TENT4A: variants seen among roughly 807,000 people sequenced by gnomAD.
TENT4A encodes the protein DNA polymerase kappa.
TENT4A carries 7 observed loss-of-function variants against 72.8 expected under a neutral mutation model. That is an observed-to-expected ratio of 0.10 (90% CI 0.05 to 0.18). The LOEUF (loss-of-function observed/expected upper bound fraction) is 0.18. TENT4A is among the 10% of genes least tolerant of loss of function. TENT4A has a pLI of 1.00. For missense variants in TENT4A, 831 were observed against 1,017.7 expected (o/e 0.82, Z 2.50); for synonymous variants, 456 against 434.3 (o/e 1.05, Z -0.62).
chr5:6,750,948 G>T, intron 10 of TENT4A, 91 bp from the exon 11 acceptor site: 1 of 1,388,310 alleles, frequency 7.2e-7, no homozygotes, highest in South Asian at 1.3e-5. Flanking sequence ...TAGCCAGCCT[G>T]GATGCAGGCG....
chr5:6,729,656 C>T (rs893092294), intron 1 of TENT4A, among the ~76,000 whole-genome samples: 2 of 152,224 alleles, frequency 1.3e-5, no homozygotes, highest in Non-Finnish European at 2.9e-5. Context: ...AGATGTGGCT[C>T]AGGAAGTGCC....
intron 6 of TENT4A, chr5:6,745,891 GACTAA>G: frequency 2.0e-6 from 1 of 489,176 alleles, no homozygotes; most frequent in East Asian, 7.6e-5. Context: ...CCATCCAGGT[GACTAA>G]GTTATGCAGA....
In TENT4A at chr5:6,714,389, G is replaced by A. The variant is rs1252639484; in HGVS notation, c.406G>A (p.Ala136Thr). The A allele has an allele frequency of 8.8e-7, 1 of 1,132,516 alleles. No homozygotes were observed. The highest frequency in any genetic ancestry group is 1.1e-6 in the Non-Finnish European group (1 of 925,928). The allele number at this position is 1,132,516 out of a possible 1,614,324, so 70.2% of individuals were successfully genotyped here. A position where few individuals can be genotyped will look rare whatever the true frequency, so the allele number is the denominator to read the frequency against. Residue 136 changes from alanine (A) to threonine (T), a missense_variant, in exon 1 of 13, where the codon GCC becomes ACC. Ala to Thr is a moderately conservative substitution (Grantham distance 58, BLOSUM62 0). Transcript: ENST00000230859. ...CTGCTCGTCGTCGTCCTCCAGCAGCGCCTCGCTGGGCCGGCCGGGCGGCGG... is the reference window on the plus strand; with the variant it reads ...CTGCTCGTCGTCGTCCTCCAGCAGCACCTCGCTGGGCCGGCCGGGCGGCGG... The part of the protein sequence containing the change: ...PGCSSSSSSS[A>T]SLGRPGGGRG...
At chr5:6,750,273 G>A in intron 9 of TENT4A, 58 bp from the exon 10 acceptor site, 2 of 1,442,178 alleles carry the variant, frequency 1.4e-6, no homozygotes, top group Non-Finnish European at 9.4e-7. Context: ...GATGCTGCCG[G>A]GGCGGCTCCA....
intron 7 of TENT4A, among the ~76,000 whole-genome samples, chr5:6,746,636 C>T (rs537474110): frequency 5.4e-4 from 83 of 152,294 alleles, no homozygotes; most frequent in African/African-American, 2.0e-3. Flanking sequence ...TGTTTACATT[C>T]TATAATAAAG....
intron 3 of TENT4A, 39 bp downstream of exon 3, chr5:6,738,768 T>G: frequency 6.9e-7 from 1 of 1,458,926 alleles, no homozygotes; most frequent in Non-Finnish European, 9.6e-7. Flanking sequence ...AGTGGGGGGC[T>G]GGGATGGTGT....
intron 11 of TENT4A, 54 bp downstream of exon 11, chr5:6,751,251 A>G: frequency 6.4e-7 from 1 of 1,570,772 alleles, no homozygotes; most frequent in Non-Finnish European, 8.8e-7. Flanking sequence ...ACAGCATCCG[A>G]GCTGTGATAT....
rs574007652 is a variant in TENT4A, at chr5:6,755,044, C to T, written c.*99C>T. The stretch of plus-strand genomic sequence containing the variant: ...CGAGACCAGCACCCCGCACGTCAGC[C>T]GGGCTCGCGGCACGCCCGCCGCTGA... On this transcript the variant is annotated 3_prime_UTR_variant, in exon 13 of 13. Coordinates refer to ENST00000230859, the MANE Select transcript of TENT4A (RefSeq NM_006999.6). The T allele has an allele frequency of 1.3e-3, 1,416 of 1,088,204 alleles. 2 individuals carry two copies. The highest frequency in any genetic ancestry group is 1.7e-3 in the Non-Finnish European group (1,315 of 793,690). The allele number at this position is 1,088,204 out of a possible 1,614,324, so 67.4% of individuals were successfully genotyped here.
intron 7 of TENT4A, 33 bp downstream of exon 7, chr5:6,746,460 TGGGCCAGCCTCGGGGAC>T: frequency 6.2e-7 from 1 of 1,601,676 alleles, no homozygotes; most frequent in South Asian, 1.1e-5. Flanking sequence ...TGCTGAGAGC[TGGGCCAGCCTCGGGGAC>T]GTGCTGGTGA....
rs1441577371 is a variant in TENT4A at position 6,713,880 on chromosome 5, C to CCCGT, written c.-91_-88dup. On this transcript the variant is annotated 5_prime_UTR_variant, in exon 1 of 13. Coordinates refer to ENST00000230859, the MANE Select transcript of TENT4A (RefSeq NM_006999.6). ...CCGCCGCCGCCGCCACCGGCCCAGG[C>CCCGT]CCGTCCGTCCGTCCGTGCGCGCGCG... 40 of 250,500 alleles carry CCCGT rather than the reference C, an allele frequency of 1.6e-4. No individual in the cohort carries two copies. Among genetic ancestry groups the CCCGT allele is most frequent in the Middle Eastern group, 2.2e-3 (1 of 460 alleles). The allele number at this position is 250,500 out of a possible 1,614,324, so 15.5% of individuals were successfully genotyped here. A position where few individuals can be genotyped will look rare whatever the true frequency, so the allele number is the denominator to read the frequency against.
In TENT4A at chr5:6,739,845, A is replaced by G; in HGVS notation, c.1001A>G (p.Lys334Arg). 6.2e-7 allele frequency: 1 copy of G among 1,613,980 alleles called. No individual in the cohort carries two copies. The highest frequency in any genetic ancestry group is 8.5e-7 in the Non-Finnish European group (1 of 1,179,816). Reference sequence around the variant, plus strand: ...CCGTGTTCCATCAAAGTCCTTGACAAGGCTACGGTGAGTGCCTGGCTTTGG... The same window carrying G: ...CCGTGTTCCATCAAAGTCCTTGACAGGGCTACGGTGAGTGCCTGGCTTTGG... ...AEPCSIKVLD[K>R]ATVPIIKLTD... The change falls in exon 4 of 13, where the codon AAG becomes AGG. Residue 334 changes from lysine (K) to arginine (R), a missense_variant. By Grantham distance (26) the Lys-to-Arg change is conservative (BLOSUM62 2). Around this residue, in one of 3 missense-constraint regions of TENT4A, gnomAD observed 197 missense variants for 399.6 expected, o/e 0.49. Transcript: ENST00000230859.
chr5:6,726,858 T>C (rs1386354372), intron 1 of TENT4A, among the ~76,000 whole-genome samples: 1 of 152,170 alleles, frequency 6.6e-6, no homozygotes, highest in Non-Finnish European at 1.5e-5. Context: ...GATCCGGATA[T>C]AGACTGAGGT....
chr5:6,750,021 T>G (rs920964274), intron 9 of TENT4A, among the ~76,000 whole-genome samples: 2 of 152,234 alleles, frequency 1.3e-5, no homozygotes, highest in Non-Finnish European at 2.9e-5. Context: ...CGGTGTGTAT[T>G]TATTCGTACT....
Position 6,748,544 on chromosome 5 carries a change from G to A in TENT4A, c.1540G>A (p.Ala514Thr). The A allele has an allele frequency of 6.2e-7, 1 of 1,614,068 alleles. No individual in the cohort carries two copies. Among genetic ancestry groups the A allele is most frequent in the Non-Finnish European group, 8.5e-7 (1 of 1,179,930 alleles). The change falls in exon 8 of 13, where the codon GCT (alanine) becomes ACT (threonine). Residue 514 changes from alanine to threonine, a missense_variant. Ala to Thr is a moderately conservative substitution (Grantham distance 58). Around this residue, in one of 3 missense-constraint regions of TENT4A, gnomAD observed 197 missense variants for 399.6 expected, o/e 0.49. Coordinates refer to ENST00000230859, the MANE Select transcript of TENT4A (RefSeq NM_006999.6). ...FDYAYIVLSH[A>T]VSPLARSYPN... is the part of the protein sequence containing the mutation. ...TTATGCCTACATAGTGCTCAGCCAT[G>A]CTGTGTCACCGCTGGCCAGGTCCTA...
chr5:6,750,744 T>C (rs2126656726), intron 10 of TENT4A: 1 of 551,312 alleles, frequency 1.8e-6, no homozygotes, highest in South Asian at 2.7e-5. Context: ...ATCCTCTAAA[T>C]GGTTGAACTA....
intron 4 of TENT4A, among the ~76,000 whole-genome samples, chr5:6,742,075 G>T (rs1741834226): frequency 6.6e-6 from 1 of 152,174 alleles, no homozygotes; most frequent in East Asian, 1.9e-4. Flanking sequence ...AACAATATCA[G>T]TATAACATAC....
chr5:6,740,198 G>C (rs967976632), intron 4 of TENT4A, among the ~76,000 whole-genome samples: 4 of 152,166 alleles, frequency 2.6e-5, no homozygotes, highest in African/African-American at 9.7e-5. Context: ...GCCCATTATG[G>C]AGAGTGTGGC....
At chr5:6,748,327 G>C (rs1561044369) in intron 7 of TENT4A, 137 bp from the exon 8 acceptor site, 5 of 1,178,632 alleles carry the variant, frequency 4.2e-6, no homozygotes, top group South Asian at 1.4e-5. Flanking sequence ...GTGTTCGCCT[G>C]TCTGGGCTTT....
chr5:6,727,267 G>A (rs1740979006), intron 1 of TENT4A, among the ~76,000 whole-genome samples: 1 of 152,030 alleles, frequency 6.6e-6, no homozygotes, highest in Non-Finnish European at 1.5e-5. Flanking sequence ...TCCTAATGTT[G>A]CTCACCAAAA....
Sources: gnomAD v4.1 joint callset for allele counts (sites outside exome capture counted in the v4.1 genomes callset) on GRCh38, gnomAD v4.1.1 for gene constraint, gnomAD v4.1.1 regional missense constraint, MANE v1.5 for transcripts, NCBI Gene and HGNC (gene_info 2026-07-23, HGNC 2026-07-21) for gene names.